The following NDST3 variants were observed in gnomAD, a reference collection of about 807,000 sequenced individuals.
NDST3 encodes bifunctional heparan sulfate N-deacetylase/N-sulfotransferase 3.
Under a neutral mutation model 96.1 loss-of-function variants are expected in NDST3, and 58 were observed. The ratio of observed to expected loss-of-function variants is 0.60; its 90% CI spans 0.49 to 0.75. The LOEUF is 0.75. Among genes scored for constraint, NDST3 ranks in the 30% least tolerant of loss-of-function variants. The pLI is 0.00. For synonymous variants in NDST3, 333 were observed against 359.7 expected, an observed-to-expected ratio of 0.93 and a Z score of 0.84; for missense variants, 788 against 1,034.2, an observed-to-expected ratio of 0.76 and a Z score of 3.27.
intron 6 of NDST3, among the ~76,000 whole-genome samples, chr4:118,210,662 G>A (rs1403128314): frequency 1.3e-5 from 2 of 151,462 alleles, no homozygotes; most frequent in Non-Finnish European, 2.9e-5. Context: ...TGTAGTCCCA[G>A]CTACTCAGAA....
chr4:118,050,475 A>C (rs1725015452), intron 1 of NDST3, among the ~76,000 whole-genome samples: 1 of 152,170 alleles, frequency 6.6e-6, no homozygotes, highest in African/African-American at 2.4e-5. Flanking sequence ...AAAATGCTAA[A>C]GATTCTGCCA....
At chr4:118,229,515 A>T (rs1740132967) in intron 8 of NDST3, among the ~76,000 whole-genome samples, 1 of 152,246 alleles carries the variant, frequency 6.6e-6, no homozygotes, top group Non-Finnish European at 1.5e-5. Context: ...AGGTAAAGAC[A>T]GAATTCAGAA....
At chr4:118,088,601 C>A (rs1041339624) in intron 2 of NDST3, among the ~76,000 whole-genome samples, 1 of 152,018 alleles carries the variant, frequency 6.6e-6, no homozygotes, top group Non-Finnish European at 1.5e-5. Context: ...TTAGCTTTTA[C>A]ATAACCCATA....
At chr4:118,241,068 A>G (rs915703221) in intron 11 of NDST3, among the ~76,000 whole-genome samples, 1 of 152,158 alleles carries the variant, frequency 6.6e-6, no homozygotes, top group Non-Finnish European at 1.5e-5. Context: ...TGAATTTTTG[A>G]TAAGTCCTAT....
upstream of NDST3, among the ~76,000 whole-genome samples, chr4:118,033,350 C>T (rs1014013030): frequency 9.2e-5 from 14 of 152,174 alleles, no homozygotes; most frequent in Non-Finnish European, 2.1e-4. Context: ...CGGGGACTCG[C>T]ACCCCTTTCC....
chr4:118,229,465 A>AT (rs1213210034), intron 8 of NDST3, among the ~76,000 whole-genome samples: 1 of 152,216 alleles, frequency 6.6e-6, no homozygotes, highest in Non-Finnish European at 1.5e-5. Context: ...CTGACAAAAT[A>AT]TATATGCAGG....
At chr4:118,066,186 ATC>A (rs199673141) in intron 2 of NDST3, among the ~76,000 whole-genome samples, 55,897 of 71,506 alleles carry the variant, frequency 0.78, 23,232 homozygotes, top group South Asian at 0.93. Context: ...TATATTATAT[ATC>A]TTATATATTA....
intron 2 of NDST3, among the ~76,000 whole-genome samples, chr4:118,071,998 A>C (rs2125802675): frequency 6.6e-6 from 1 of 151,934 alleles, no homozygotes; most frequent in Non-Finnish European, 1.5e-5. Context: ...TCTAATGATT[A>C]GGGATGTTGA....
At chr4:118,093,642 T>C (rs1457739840) in intron 2 of NDST3, among the ~76,000 whole-genome samples, 2 of 151,924 alleles carry the variant, frequency 1.3e-5, no homozygotes, top group Non-Finnish European at 2.9e-5. Context: ...AGTTTATGTA[T>C]ATTCCTAACT....
intron 4 of NDST3, among the ~76,000 whole-genome samples, chr4:118,129,267 A>G (rs1021883151): frequency 3.2e-4 from 48 of 151,646 alleles, no homozygotes; most frequent in Admixed American, 8.5e-4. Context: ...GTTCTTTAAG[A>G]TGCATTGTTA....
At chr4:118,174,217 G>A (rs553493490) in intron 6 of NDST3, among the ~76,000 whole-genome samples, 2 of 152,242 alleles carry the variant, frequency 1.3e-5, no homozygotes, top group East Asian at 3.9e-4. Context: ...GCAAAGTTTG[G>A]AGACAGTCTC....
chr4:118,238,557 G>C (rs1252853636), intron 10 of NDST3, among the ~76,000 whole-genome samples: 3 of 152,138 alleles, frequency 2.0e-5, no homozygotes, highest in Non-Finnish European at 2.9e-5. Context: ...AGGACCCTTA[G>C]TTCTCATTTC....
chr4:118,064,593 A>G (rs1325326396), intron 2 of NDST3, among the ~76,000 whole-genome samples: 1 of 152,136 alleles, frequency 6.6e-6, no homozygotes. Context: ...TTTTACCTTA[A>G]AAGATTATAT....
At chr4:118,231,863 C>G (rs1435166027) in intron 8 of NDST3, among the ~76,000 whole-genome samples, 3 of 152,098 alleles carry the variant, frequency 2.0e-5, no homozygotes, top group Non-Finnish European at 4.4e-5. Context: ...TAAGCTACAC[C>G]CTTTATCTCC....
chr4:118,078,467 A>G (rs1445584898), intron 2 of NDST3, among the ~76,000 whole-genome samples: 1 of 152,192 alleles, frequency 6.6e-6, no homozygotes, highest in African/African-American at 2.4e-5. Flanking sequence ...AGTTAAGATC[A>G]GTGGCCGGGC....
chr4:118,097,435 A>G (rs527679972), intron 2 of NDST3, among the ~76,000 whole-genome samples: 22 of 152,116 alleles, frequency 1.4e-4, no homozygotes, highest in African/African-American at 5.3e-4. Flanking sequence ...TCATAAATAA[A>G]TAAATTAGAA....
chr4:118,160,562 A>T (rs867097333), intron 6 of NDST3, among the ~76,000 whole-genome samples: 6 of 152,240 alleles, frequency 3.9e-5, no homozygotes, highest in Admixed American at 1.3e-4. Flanking sequence ...TAAGCATATT[A>T]AAAAAGCTCA....
chr4:118,043,859 A>G (rs976481417), intron 1 of NDST3, among the ~76,000 whole-genome samples: 7 of 152,232 alleles, frequency 4.6e-5, no homozygotes, highest in Non-Finnish European at 8.8e-5. Flanking sequence ...AGAAAACAGG[A>G]GAATTTTAAT....
At position 118,215,422 on chromosome 4, in the gene NDST3, A is replaced by G. The variant is rs116829647; in HGVS notation, c.1540-9069A>G. On this transcript the variant is annotated intron_variant, in intron 6 of 13. Transcript: ENST00000296499. ...ACGAGGCTATTGCTTACCTTTTGGA[A>G]GGCATTTTTCATGGGATGGTGGGGA... 5.4e-3 allele frequency among the ~76,000 whole-genome samples: 819 copies of G among 152,214 alleles called. 14 individuals carry two copies. The highest frequency in any genetic ancestry group is 0.019 in the African/African-American group (776 of 41,550).
Sources: allele counts gnomAD v4.1 joint callset (sites outside exome capture counted in the v4.1 genomes callset), GRCh38; gene constraint gnomAD v4.1.1; transcripts MANE v1.5; gene names NCBI Gene and HGNC (gene_info 2026-07-23, HGNC 2026-07-21).